Variants in L3HYPDH observed in about 807,000 individuals in gnomAD.
L3HYPDH encodes the protein trans-3-hydroxy-L-proline dehydratase.
Under a neutral mutation model 26.5 loss-of-function variants are expected in L3HYPDH, and 32 were observed. The observed-to-expected ratio is 1.21, with a 90% confidence interval of 0.91 to 1.62. L3HYPDH has a LOEUF of 1.62. Among genes scored for constraint, L3HYPDH ranks in the 40% most tolerant of loss-of-function variants. The pLI, the probability that L3HYPDH is intolerant of heterozygous loss-of-function variation, is 0.00. For synonymous variants in L3HYPDH, 215 were observed against 196.6 expected (o/e 1.09, Z -0.78); for missense variants, 554 against 476.4 (o/e 1.16, Z -1.52).
the L3HYPDH span, chr14:59,505,091 A>G: frequency 2.3e-6 from 1 of 442,894 alleles, no homozygotes. Context: ...TTAGAAGTTT[A>G]TTTACTGATA....
the L3HYPDH span, chr14:59,495,048 A>T: frequency 1.9e-6 from 3 of 1,613,868 alleles, no homozygotes; most frequent in Non-Finnish European, 2.5e-6. Context: ...ACATCACTGC[A>T]TTATTTGAAT....
chr14:59,492,422 T>C, the L3HYPDH span, among the ~76,000 whole-genome samples: 1 of 152,122 alleles, frequency 6.6e-6, no homozygotes, highest in Non-Finnish European at 1.5e-5. Flanking sequence ...AGGCTTAAAG[T>C]CTTACACCTC....
At position 59,483,975 on chromosome 14, in the gene L3HYPDH, G is replaced by A. The variant is rs200875616; in HGVS notation, c.342C>T (p.Phe114=). The A allele has an allele frequency of 6.3e-7, 1 of 1,576,410 alleles. No individual in the cohort carries two copies. ...CGHAVLALGR[F]ALDFGLVPAP... ...CCGGCACAAGCCCGAAGTCCAAAGC[G>A]AAGCGGCCCAGCGCCAGCACTGCGT... Residue 114 remains phenylalanine (F), a synonymous_variant, in exon 1 of 5, where the codon TTC becomes TTT. Coordinates refer to ENST00000247194, the MANE Select transcript of L3HYPDH (RefSeq NM_144581.2).
chr14:59,489,105 G>A (rs1227063840), upstream of L3HYPDH, among the ~76,000 whole-genome samples: 1 of 152,220 alleles, frequency 6.6e-6, no homozygotes, highest in Non-Finnish European at 1.5e-5. Flanking sequence ...CAGCCTGGTT[G>A]AATTCCTCTC....
chr14:59,476,130 C>A lies in L3HYPDH; in HGVS notation c.763G>T (p.Glu255Ter), dbSNP rs1218677948. 5.6e-6 allele frequency: 9 copies of A among 1,613,886 alleles called. No homozygotes were observed. Among genetic ancestry groups the A allele is most frequent in the Non-Finnish European group, 7.6e-6 (9 of 1,179,894 alleles). Residue 255 changes from glutamate to a stop codon, truncating the protein, a stop_gained, in exon 3 of 5, where the codon GAA (glutamate) becomes TAA (stop). Coordinates refer to ENST00000247194, the MANE Select transcript of L3HYPDH (RefSeq NM_144581.2). LOFTEE classifies it high-confidence loss of function. The part of the protein sequence containing the change: ...LTDGKDAYTK[E>*]PTTNICVFAD... ...AAAACACAAATGTTGGTGGTTGGTT[C>A]CTTGGTATAAGCATCTTTTCCATCT...
At chr14:59,486,348 G>A (rs1033858047), upstream of L3HYPDH, among the ~76,000 whole-genome samples, 2 of 152,132 alleles carry the variant, frequency 1.3e-5, no homozygotes, top group Admixed American at 6.5e-5. Flanking sequence ...AATACAAGGT[G>A]GTGACCCTCT....
chr14:59,479,351 T>C lies in L3HYPDH; in HGVS notation c.509A>G (p.Asp170Gly). 1 of 1,606,964 alleles carries C rather than the reference T, an allele frequency of 6.2e-7. No homozygotes were observed. The highest frequency in any genetic ancestry group is 8.5e-7 in the Non-Finnish European group (1 of 1,178,136). ...ATGTCCAGGAACATCCACCATGAGATCTAAAAAAAAGATGTGTTTGGAAAG... is the reference window on the plus strand; with the variant it reads ...ATGTCCAGGAACATCCACCATGAGACCTAAAAAAAAGATGTGTTTGGAAAG... Reference protein sequence around the residue: ...HSVPAFVLATDLMVDVPGHGK... With the variant: ...HSVPAFVLATGLMVDVPGHGK... The change falls in exon 2 of 5, where the codon GAT (aspartate) becomes GGT (glycine). Residue 170 changes from aspartate (D) to glycine (G), a missense_variant and splice_region_variant. Asp to Gly is a moderately conservative substitution (Grantham distance 94, BLOSUM62 -1). Coordinates refer to ENST00000247194, the MANE Select transcript of L3HYPDH (RefSeq NM_144581.2).
chr14:59,484,720 C>G, upstream of L3HYPDH: 1 of 1,220,532 alleles, frequency 8.2e-7, no homozygotes, highest in Non-Finnish European at 1.2e-6. Flanking sequence ...CCCTTGACCC[C>G]GCCCGCCCTC....
chr14:59,474,640 A>C (rs758008019), intron 4 of L3HYPDH: 1 of 596,822 alleles, frequency 1.7e-6, no homozygotes, highest in Non-Finnish European at 3.0e-6. Flanking sequence ...TCTGCTACTC[A>C]CTAACTAACC....
chr14:59,479,840 C>T (rs1027086062), intron 1 of L3HYPDH, among the ~76,000 whole-genome samples: 17 of 152,172 alleles, frequency 1.1e-4, no homozygotes, highest in African/African-American at 3.6e-4. Context: ...ATTATATACA[C>T]TTATCTACAT....
At chr14:59,476,246 A>G in intron 2 of L3HYPDH, 32 bp from the exon 3 acceptor site, 3 of 1,366,910 alleles carry the variant, frequency 2.2e-6, no homozygotes, top group Non-Finnish European at 3.0e-6. Context: ...CACATGCAAA[A>G]TAAATATTTT....
At chr14:59,503,445 T>C in the L3HYPDH span, among the ~76,000 whole-genome samples, 1 of 152,126 alleles carries the variant, frequency 6.6e-6, no homozygotes, top group African/African-American at 2.4e-5. Context: ...GTTAAGGAGG[T>C]TGGGTTTCTG....
chr14:59,504,318 T>C, the L3HYPDH span: 3 of 480,164 alleles, frequency 6.2e-6, no homozygotes, highest in Non-Finnish European at 7.4e-6. Flanking sequence ...AGGAAGCCCT[T>C]GCTTCTCTCA....
the L3HYPDH span, among the ~76,000 whole-genome samples, chr14:59,493,856 G>T: frequency 6.6e-6 from 1 of 152,056 alleles, no homozygotes; most frequent in African/African-American, 2.4e-5. Flanking sequence ...ATAGATAAAT[G>T]GACTCAAGAA....
upstream of L3HYPDH, chr14:59,485,117 G>C (rs1360821866): frequency 6.3e-7 from 1 of 1,598,398 alleles, no homozygotes; most frequent in Non-Finnish European, 8.5e-7. Context: ...GTTTTGCTTA[G>C]TAAGTGATAG....
chr14:59,475,759 A>T, intron 4 of L3HYPDH, 110 bp downstream of exon 4: 1 of 1,184,850 alleles, frequency 8.4e-7, no homozygotes, highest in Non-Finnish European at 1.2e-6. Context: ...GGCCTGCTTT[A>T]AAATTCTCTT....
chr14:59,504,193 A>G, the L3HYPDH span: 1 of 657,082 alleles, frequency 1.5e-6, no homozygotes, highest in Non-Finnish European at 2.6e-6. Context: ...GTATATCTTA[A>G]TGTTTGGGTT....
chr14:59,469,518 T>G (rs1889262028), downstream of L3HYPDH, among the ~76,000 whole-genome samples: 1 of 125,728 alleles, frequency 8.0e-6, no homozygotes, highest in Middle Eastern at 5.4e-3. Context: ...TCATGCCAAC[T>G]GCACTCTCGC....
chr14:59,474,436 A>C (rs377760937), intron 4 of L3HYPDH: 1 of 677,420 alleles, frequency 1.5e-6, no homozygotes, highest in Non-Finnish European at 2.7e-6. Flanking sequence ...TCTACTTGCC[A>C]ACCTGGACTT....
Sources: allele counts gnomAD v4.1 joint callset (sites outside exome capture counted in the v4.1 genomes callset), GRCh38; gene constraint gnomAD v4.1.1; transcripts MANE v1.5; gene names NCBI Gene and HGNC (gene_info 2026-07-23, HGNC 2026-07-21).